Variants in OR1E1 observed in about 807,000 individuals in gnomAD.
OR1E1 encodes olfactory receptor family 1 subfamily E member 1.
For synonymous variants in OR1E1, 125 were observed against 153.1 expected (o/e 0.82, Z 1.36); for missense variants, 330 against 381.0 (o/e 0.87, Z 1.11).
At position 3,398,363 on chromosome 17, in the gene OR1E1, G is replaced by T. The variant is rs1369875871; in HGVS notation, c.48C>A (p.Gly16=). 1.9e-6 allele frequency: 3 copies of T among 1,611,960 alleles called. No homozygotes were observed. The highest frequency in any genetic ancestry group is 3.3e-4 in the Middle Eastern group (2 of 6,080). ...QTSISDFLLL[G]LPIQPEQQNL... Reference sequence around the variant, plus strand: ...TTTGCTGCTCTGGTTGGATGGGCAGGCCCAGGAGCAGGAAGTCTGAGATGC... The same window carrying T: ...TTTGCTGCTCTGGTTGGATGGGCAGTCCCAGGAGCAGGAAGTCTGAGATGC... The change falls in exon 1 of 1, where the codon GGC becomes GGA. Residue 16 remains glycine, a synonymous_variant. Transcript: ENST00000322608.
chr17:3,397,280 C>A lies in OR1E1; in HGVS notation c.*186G>T, dbSNP rs2150674798. 3.7e-6 allele frequency: 2 copies of A among 543,822 alleles called. No homozygotes were observed. The highest frequency in any genetic ancestry group is 3.2e-5 in the Admixed American group (1 of 31,584). 33.7% of individuals were successfully genotyped at this position (543,822 alleles called of 1,614,324 possible). A position where few individuals can be genotyped will look rare whatever the true frequency, so the allele number is the denominator to read the frequency against. On this transcript the variant is annotated 3_prime_UTR_variant, in exon 1 of 1. Coordinates refer to ENST00000322608, the MANE Select transcript of OR1E1 (RefSeq NM_003553.3). ...TGGGAAGACAAACAGGAAGTCTTAG[C>A]CAGGTCACCAAGACCCTCTTCCCTA...
chr17:3,397,513 C>T lies in OR1E1; in HGVS notation c.898G>A (p.Ala300Thr). ...YSLRNRDMKG[A>T]LSRVIHQKKT... ...TTCTGATGAATGACTCTGCTCAGGG[C>T]TCCCTTCATGTCTCTGTTCCTCAGG... The change falls in exon 1 of 1, where the codon GCC (alanine) becomes ACC (threonine). Residue 300 changes from alanine (A) to threonine (T), a missense_variant. Physicochemically the swap from Ala to Thr is moderately conservative, Grantham distance 58. Transcript: ENST00000322608. 1 of 1,614,132 alleles carries T rather than the reference C, an allele frequency of 6.2e-7. No individual in the cohort carries two copies. The highest frequency in any genetic ancestry group is 8.5e-7 in the Non-Finnish European group (1 of 1,180,022).
Position 3,397,551 on chromosome 17 carries a change from G to C in OR1E1, c.860C>G (p.Pro287Arg), listed in dbSNP as rs2049852926. 20 of 1,614,096 alleles carry C rather than the reference G, an allele frequency of 1.2e-5. No homozygotes were observed. Among genetic ancestry groups the C allele is most frequent in the Non-Finnish European group, 1.7e-5 (20 of 1,180,018 alleles). Residue 287 changes from proline to arginine, a missense_variant, in exon 1 of 1, where the codon CCC becomes CGC. Transcript: ENST00000322608. ...MYTVVTPMLNPFIYSLRNRDM... is the reference protein window; with the variant it reads ...MYTVVTPMLNRFIYSLRNRDM... ...TCTGTTCCTCAGGCTGTAGATGAAGGGGTTCAGCATGGGGGTCACCACAGT... is the reference window on the plus strand; with the variant it reads ...TCTGTTCCTCAGGCTGTAGATGAAGCGGTTCAGCATGGGGGTCACCACAGT...
chr17:3,398,285 G>T lies in OR1E1; in HGVS notation c.126C>A (p.Asn42Lys). The change falls in exon 1 of 1, where the codon AAC (asparagine) becomes AAA (lysine). Residue 42 changes from asparagine (N) to lysine (K), a missense_variant. Coordinates refer to ENST00000322608, the MANE Select transcript of OR1E1 (RefSeq NM_003553.3). ...GTCGAATGAGGACAATGATGAGGAG[G>T]TTCCCCAGGAGGGTGGTAAGATACA... ...LAMYLTTLLG[N>K]LLIIVLIRLD... 6.2e-7 allele frequency: 1 copy of T among 1,614,156 alleles called. No homozygotes were observed. The highest frequency in any genetic ancestry group is 8.5e-7 in the Non-Finnish European group (1 of 1,180,030).
chr17:3,397,191 G>C lies in OR1E1; in HGVS notation c.*275C>G, dbSNP rs917958500. The C allele has an allele frequency of 6.3e-5, 19 of 299,348 alleles. No homozygotes were observed. Among genetic ancestry groups the C allele is most frequent in the Non-Finnish European group, 6.1e-6 (1 of 162,982 alleles). 18.5% of individuals were successfully genotyped at this position (299,348 alleles called of 1,614,324 possible). On this transcript the variant is annotated 3_prime_UTR_variant, in exon 1 of 1. Transcript: ENST00000322608. ...ATAACAAAATCCTGTGATAATTTAA[G>C]AATGTGGGGCATGAAGACCATTTAA...
rs2150675250 is a variant in OR1E1, at chr17:3,398,251, G to T, written c.160C>A (p.His54Asn). Residue 54 changes from histidine (H) to asparagine (N), a missense_variant, in exon 1 of 1, where the codon CAT (histidine) becomes AAT (asparagine). Transcript: ENST00000322608. ...LIIVLIRLDSHLHTPMYLFLS... is the reference protein window; with the variant it reads ...LIIVLIRLDSNLHTPMYLFLS... ...AACAAATACATAGGCGTGTGGAGAT[G>T]GGAGTCCAGTCGAATGAGGACAATG... The T allele has an allele frequency of 6.2e-7, 1 of 1,614,188 alleles. No homozygotes were observed. Among genetic ancestry groups the T allele is most frequent in the Middle Eastern group, 1.6e-4 (1 of 6,062 alleles).
rs1217546769 is a variant in OR1E1 at position 3,397,521 on chromosome 17, A to G, written c.890T>C (p.Met297Thr). Residue 297 changes from methionine (M) to threonine (T), a missense_variant, in exon 1 of 1, where the codon ATG (methionine) becomes ACG (threonine). Coordinates refer to ENST00000322608, the MANE Select transcript of OR1E1 (RefSeq NM_003553.3). ...AATGACTCTGCTCAGGGCTCCCTTC[A>G]TGTCTCTGTTCCTCAGGCTGTAGAT... ...PFIYSLRNRD[M>T]KGALSRVIHQ... 4.3e-6 allele frequency: 7 copies of G among 1,614,026 alleles called. No homozygotes were observed. The South Asian group carries it at 4.4e-5, about 10-fold the overall frequency.
At position 3,397,179 on chromosome 17, in the gene OR1E1, G is replaced by T. The variant is rs1022769044; in HGVS notation, c.*287C>A. On this transcript the variant is annotated 3_prime_UTR_variant, in exon 1 of 1. Coordinates refer to ENST00000322608, the MANE Select transcript of OR1E1 (RefSeq NM_003553.3). ...ATTCTGAGTAACATAACAAAATCCT[G>T]TGATAATTTAAGAATGTGGGGCATG... 10 of 272,334 alleles carry T rather than the reference G, an allele frequency of 3.7e-5. No homozygotes were observed. Among genetic ancestry groups the T allele is most frequent in the African/African-American group, 2.2e-4 (10 of 45,602 alleles). The allele number at this position is 272,334 out of a possible 1,614,324, so 16.9% of individuals were successfully genotyped here.
At position 3,397,504 on chromosome 17, in the gene OR1E1, TGC is replaced by T. The variant is rs2049852307; in HGVS notation, c.905_906del (p.Ser302LysfsTer22). 6.2e-7 allele frequency: 1 copy of T among 1,614,056 alleles called. No homozygotes were observed. Among genetic ancestry groups the T allele is most frequent in the African/African-American group, 1.3e-5 (1 of 74,936 alleles). On this transcript the variant is annotated frameshift_variant, in exon 1 of 1. Transcript: ENST00000322608. LOFTEE classifies it low-confidence loss of function (END_TRUNC). ...LRNRDMKGALSRVIHQKKTFF... is the reference protein window; with the variant it reads ...LRNRDMKGALXRVIHQKKTFF... ...AAAGTTTTCTTCTGATGAATGACTC[TGC>T]TCAGGGCTCCCTTCATGTCTCTGTT...
rs2049849898 is a variant in OR1E1, at chr17:3,397,176, C to CT, written c.*289_*290insA. 3.8e-6 allele frequency: 1 copy of CT among 265,128 alleles called. No homozygotes were observed. The highest frequency in any genetic ancestry group is 7.1e-6 in the Non-Finnish European group (1 of 141,562). The allele number at this position is 265,128 out of a possible 1,614,324, so 16.4% of individuals were successfully genotyped here. A position where few individuals can be genotyped will look rare whatever the true frequency, so the allele number is the denominator to read the frequency against. ...AAAATTCTGAGTAACATAACAAAATCCTGTGATAATTTAAGAATGTGGGGC... is the reference window on the plus strand; with the variant it reads ...AAAATTCTGAGTAACATAACAAAATCTCTGTGATAATTTAAGAATGTGGGGC... On this transcript the variant is annotated 3_prime_UTR_variant, in exon 1 of 1. Coordinates refer to ENST00000322608, the MANE Select transcript of OR1E1 (RefSeq NM_003553.3).
Position 3,398,217 on chromosome 17 carries a change from T to C in OR1E1, c.194A>G (p.Asn65Ser). The C allele has an allele frequency of 6.2e-7, 1 of 1,614,188 alleles. No individual in the cohort carries two copies. The highest frequency in any genetic ancestry group is 8.5e-7 in the Non-Finnish European group (1 of 1,180,032). ...GAAGCAGAGGTCAGAGAAGGACAAG[T>C]TGCTGAGAAACAAATACATAGGCGT... is the stretch of plus-strand genomic sequence containing the variant. ...LHTPMYLFLS[N>S]LSFSDLCFSS... The change falls in exon 1 of 1, where the codon AAC becomes AGC. Residue 65 changes from asparagine to serine, a missense_variant. By Grantham distance (46) the Asn-to-Ser change is conservative. Coordinates refer to ENST00000322608, the MANE Select transcript of OR1E1 (RefSeq NM_003553.3).
rs1195689122 is a variant in OR1E1 at position 3,398,371 on chromosome 17, G to A, written c.40C>T (p.Leu14Phe). Reference sequence around the variant, plus strand: ...TCTGGTTGGATGGGCAGGCCCAGGAGCAGGAAGTCTGAGATGCTGGTTTGA... The same window carrying A: ...TCTGGTTGGATGGGCAGGCCCAGGAACAGGAAGTCTGAGATGCTGGTTTGA... ...QNQTSISDFL[L>F]LGLPIQPEQQ... The change falls in exon 1 of 1, where the codon CTC becomes TTC. Residue 14 changes from leucine to phenylalanine, a missense_variant. Physicochemically the swap from Leu to Phe is conservative, Grantham distance 22. Transcript: ENST00000322608. 8.7e-6 allele frequency: 14 copies of A among 1,610,816 alleles called. No homozygotes were observed. The highest frequency in any genetic ancestry group is 1.2e-5 in the Non-Finnish European group (14 of 1,177,374).
chr17:3,398,359 G>C lies in OR1E1; in HGVS notation c.52C>G (p.Pro18Ala). 6.2e-7 allele frequency: 1 copy of C among 1,612,770 alleles called. No homozygotes were observed. Residue 18 changes from proline (P) to alanine (A), a missense_variant, in exon 1 of 1, where the codon CCC becomes GCC. Coordinates refer to ENST00000322608, the MANE Select transcript of OR1E1 (RefSeq NM_003553.3). Reference protein sequence around the residue: ...SISDFLLLGLPIQPEQQNLCY... With the variant: ...SISDFLLLGLAIQPEQQNLCY... ...AGGTTTTGCTGCTCTGGTTGGATGGGCAGGCCCAGGAGCAGGAAGTCTGAG... is the reference window on the plus strand; with the variant it reads ...AGGTTTTGCTGCTCTGGTTGGATGGCCAGGCCCAGGAGCAGGAAGTCTGAG...
chr17:3,398,290 C>G lies in OR1E1; in HGVS notation c.121G>C (p.Gly41Arg). ...FLAMYLTTLL[G>R]NLLIIVLIRL... is the part of the protein sequence containing the mutation. The stretch of plus-strand genomic sequence containing the variant: ...ATGAGGACAATGATGAGGAGGTTCC[C>G]CAGGAGGGTGGTAAGATACATGGCC... Residue 41 changes from glycine (G) to arginine (R), a missense_variant, in exon 1 of 1, where the codon GGG becomes CGG. Physicochemically the swap from Gly to Arg is moderately radical, Grantham distance 125 (BLOSUM62 -2). Transcript: ENST00000322608. 1 of 1,614,036 alleles carries G rather than the reference C, an allele frequency of 6.2e-7. No homozygotes were observed. The highest frequency in any genetic ancestry group is 8.5e-7 in the Non-Finnish European group (1 of 1,179,988).
Position 3,397,413 on chromosome 17 carries a change from A to G in OR1E1, c.*53T>C. 8.0e-7 allele frequency: 1 copy of G among 1,248,782 alleles called. No individual in the cohort carries two copies. Among genetic ancestry groups the G allele is most frequent in the Non-Finnish European group, 1.1e-6 (1 of 891,450 alleles). The allele number at this position is 1,248,782 out of a possible 1,614,324, so 77.4% of individuals were successfully genotyped here. A position where few individuals can be genotyped will look rare whatever the true frequency, so the allele number is the denominator to read the frequency against. ...AAATAATTTAGAATAATATTCCAATATTAATATCAATATTTTACTGGATAA... is the reference window on the plus strand; with the variant it reads ...AAATAATTTAGAATAATATTCCAATGTTAATATCAATATTTTACTGGATAA... On this transcript the variant is annotated 3_prime_UTR_variant, in exon 1 of 1. Transcript: ENST00000322608.
Position 3,398,202 on chromosome 17 carries a change from T to C in OR1E1, c.209A>G (p.Asp70Gly), listed in dbSNP as rs2049861723. The C allele has an allele frequency of 6.2e-7, 1 of 1,613,964 alleles. No homozygotes were observed. Among genetic ancestry groups the C allele is most frequent in the Non-Finnish European group, 8.5e-7 (1 of 1,180,024 alleles). Residue 70 changes from aspartate (D) to glycine (G), a missense_variant, in exon 1 of 1, where the codon GAC becomes GGC. Asp to Gly is a moderately conservative substitution (Grantham distance 94). Transcript: ENST00000322608. ...AATGGTCACGGAAGAGAAGCAGAGGTCAGAGAAGGACAAGTTGCTGAGAAA... is the reference window on the plus strand; with the variant it reads ...AATGGTCACGGAAGAGAAGCAGAGGCCAGAGAAGGACAAGTTGCTGAGAAA... ...YLFLSNLSFS[D>G]LCFSSVTIPK...
chr17:3,397,871 A>G lies in OR1E1; in HGVS notation c.540T>C (p.Asp180=). The G allele has an allele frequency of 6.2e-7, 1 of 1,614,226 alleles. No individual in the cohort carries two copies. Among genetic ancestry groups the G allele is most frequent in the South Asian group, 1.1e-5 (1 of 91,078 alleles). Residue 180 remains aspartate (D), a synonymous_variant, in exon 1 of 1, where the codon GAT becomes GAC. Coordinates refer to ENST00000322608, the MANE Select transcript of OR1E1 (RefSeq NM_003553.3). ...ADNVIPHFFC[D]MSALLKLAFS... is the part of the protein sequence containing the mutation. ...AGGCCAGCTTCAGCAGAGCAGACAT[A>G]TCACAGAAAAAGTGGGGGATCACAT...
chr17:3,397,384 G>T lies in OR1E1; in HGVS notation c.*82C>A. 1 of 1,072,888 alleles carries T rather than the reference G, an allele frequency of 9.3e-7. No homozygotes were observed. Among genetic ancestry groups the T allele is most frequent in the Non-Finnish European group, 1.3e-6 (1 of 752,174 alleles). 66.5% of individuals were successfully genotyped at this position (1,072,888 alleles called of 1,614,324 possible). ...GATGCCATTTCAACAAAAGGATGGTGAGGAAATAATTTAGAATAATATTCC... is the reference window on the plus strand; with the variant it reads ...GATGCCATTTCAACAAAAGGATGGTTAGGAAATAATTTAGAATAATATTCC... On this transcript the variant is annotated 3_prime_UTR_variant, in exon 1 of 1. Coordinates refer to ENST00000322608, the MANE Select transcript of OR1E1 (RefSeq NM_003553.3).
At position 3,398,128 on chromosome 17, in the gene OR1E1, C is replaced by T. The variant is rs764121015; in HGVS notation, c.283G>A (p.Ala95Thr). 100 of 1,614,042 alleles carry T rather than the reference C, an allele frequency of 6.2e-5. No homozygotes were observed. Among genetic ancestry groups the T allele is most frequent in the Middle Eastern group, 3.3e-4 (2 of 6,084 alleles). Residue 95 changes from alanine (A) to threonine (T), a missense_variant, in exon 1 of 1, where the codon GCG becomes ACG. Transcript: ENST00000322608. ...AAGTACATTTGGGTCAGGCAGTCCG[C>T]ATAGGGGATGGATGGGTCCTGGTTC... ...MQNQDPSIPY[A>T]DCLTQMYFFL...
Sources: allele counts gnomAD v4.1 joint callset, GRCh38; gene constraint gnomAD v4.1.1; transcripts MANE v1.5; gene names NCBI Gene and HGNC (gene_info 2026-07-23, HGNC 2026-07-21).